Variants in AASS observed in about 807,000 individuals in gnomAD.
AASS encodes alpha-aminoadipic semialdehyde synthase, mitochondrial.
A neutral mutation model predicts 105.4 loss-of-function variants in AASS; 86 were observed. The observed-to-expected ratio is 0.82, with a 90% CI of 0.69 to 0.98. AASS has a LOEUF of 0.98. Among genes scored for constraint, AASS ranks in the 50% least tolerant of loss-of-function variants. The probability of loss-of-function intolerance (pLI) is 0.00; values close to 1 mark genes in which losing one functional copy is unlikely to be tolerated. For missense variants in AASS, 1,048 were observed against 1,143.2 expected (o/e 0.92, Z 1.20); for synonymous variants, 381 against 394.8 (o/e 0.96, Z 0.41).
In AASS at chr7:122,076,488, A is replaced by G. The variant is rs761028938; in HGVS notation, c.*1T>C. The G allele has an allele frequency of 6.2e-7, 1 of 1,602,338 alleles. No homozygotes were observed. The highest frequency in any genetic ancestry group is 8.6e-7 in the Non-Finnish European group (1 of 1,169,304). ...AGAAAAAAACAAAATATAATTCCCA[A>G]TTATGGTTTAATTGTACTCTGTGTA... On this transcript the variant is annotated 3_prime_UTR_variant, in exon 24 of 24. Transcript: ENST00000417368.
intron 4 of AASS, among the ~76,000 whole-genome samples, chr7:122,123,145 T>C (rs772386609): frequency 1.6e-4 from 25 of 152,146 alleles, no homozygotes; most frequent in Non-Finnish European, 3.5e-4. Flanking sequence ...GTCTCATGAA[T>C]TTTCATCCTC....
intron 1 of AASS, among the ~76,000 whole-genome samples, chr7:122,140,485 CAAAAAAAAAA>C (rs57828681): frequency 4.3e-4 from 16 of 37,336 alleles, no homozygotes; most frequent in African/African-American, 8.7e-4. Flanking sequence ...GACTCAGTCT[CAAAAAAAAAA>C]AAAAAAAAAA....
At position 122,092,894 on chromosome 7, in the gene AASS, A is replaced by G. The variant is rs1177763933; in HGVS notation, c.1824T>C (p.Asp608=). Residue 608 remains aspartate (D), a synonymous_variant, in exon 17 of 24, where the codon GAT becomes GAC. Transcript: ENST00000417368. ...IGELGLDPGL[D]HMLAMETIDK... is the part of the protein sequence containing the mutation. ...CTATTGTTTCCATTGCTAACATGTGATCCAGACCAGGGTCCAATCCCAATT... is the reference window on the plus strand; with the variant it reads ...CTATTGTTTCCATTGCTAACATGTGGTCCAGACCAGGGTCCAATCCCAATT... 1 of 1,613,952 alleles carries G rather than the reference A, an allele frequency of 6.2e-7. No individual in the cohort carries two copies. Among genetic ancestry groups the G allele is most frequent in the South Asian group, 1.1e-5 (1 of 91,086 alleles).
At chr7:122,143,792 C>A (rs1285314636) in intron 1 of AASS, among the ~76,000 whole-genome samples, 1 of 152,122 alleles carries the variant, frequency 6.6e-6, no homozygotes, top group Non-Finnish European at 1.5e-5. Flanking sequence ...TTCATCAGTT[C>A]TTTATTCCCC....
chr7:122,141,678 A>C (rs1162423094), intron 1 of AASS, among the ~76,000 whole-genome samples: 3 of 111,804 alleles, frequency 2.7e-5, no homozygotes, highest in African/African-American at 3.8e-5. Flanking sequence ...AAAAAAAAAA[A>C]AAAAAAACTT....
intron 2 of AASS, among the ~76,000 whole-genome samples, chr7:122,130,003 G>A (rs988438348): frequency 1.3e-5 from 2 of 152,146 alleles, no homozygotes; most frequent in African/African-American, 2.4e-5. Context: ...TGCTAGAGAT[G>A]AGATGCTAAG....
chr7:122,140,544 A>C (rs150155209), intron 1 of AASS, among the ~76,000 whole-genome samples: 52 of 149,278 alleles, frequency 3.5e-4, no homozygotes, highest in African/African-American at 1.2e-3. Flanking sequence ...AATTTCTGTT[A>C]CTTCTTTTGG....
chr7:122,143,940 C>T (rs976837344), intron 1 of AASS, among the ~76,000 whole-genome samples: 2 of 152,210 alleles, frequency 1.3e-5, no homozygotes, highest in African/African-American at 2.4e-5. Flanking sequence ...CTCTGCGTTT[C>T]CGCTCTCCCT....
chr7:122,138,137 GT>G (rs1330859953), intron 1 of AASS, among the ~76,000 whole-genome samples: 1 of 152,120 alleles, frequency 6.6e-6, no homozygotes, highest in Non-Finnish European at 1.5e-5. Flanking sequence ...TTTCTTCTCT[GT>G]TTTTGTAAAA....
intron 18 of AASS, among the ~76,000 whole-genome samples, chr7:122,087,204 A>G (rs1236006624): frequency 6.6e-6 from 1 of 152,202 alleles, no homozygotes; most frequent in Non-Finnish European, 1.5e-5. Flanking sequence ...GCCTTTGGCT[A>G]AACTTAATGA....
intron 4 of AASS, among the ~76,000 whole-genome samples, chr7:122,125,705 C>G (rs1265517191): frequency 1.3e-5 from 2 of 152,192 alleles, no homozygotes; most frequent in African/African-American, 4.8e-5. Flanking sequence ...CAGGCTATGA[C>G]TTAATGCTTG....
chr7:122,115,900 A>G (rs1562978362), intron 8 of AASS, among the ~76,000 whole-genome samples: 1 of 152,198 alleles, frequency 6.6e-6, no homozygotes, highest in Non-Finnish European at 1.5e-5. Context: ...TTTCCCTAAC[A>G]TGCCCTGCAC....
intron 17 of AASS, among the ~76,000 whole-genome samples, chr7:122,092,377 T>C (rs1255644154): frequency 6.6e-6 from 1 of 152,264 alleles, no homozygotes; most frequent in Middle Eastern, 3.4e-3. Context: ...AAGCCAAAAT[T>C]TTATAGTAGC....
chr7:122,135,242 G>A (rs558664743), intron 1 of AASS, among the ~76,000 whole-genome samples: 5 of 149,546 alleles, frequency 3.3e-5, no homozygotes, highest in Middle Eastern at 3.4e-3. Context: ...CCTGCACGTC[G>A]TGCACATGTA....
Position 122,113,154 on chromosome 7 carries a change from G to A in AASS, c.1242C>T (p.Cys414=), listed in dbSNP as rs1437177521. Reference sequence around the variant, plus strand: ...CATAAGGGTAAAGCATGTCTCCAAAGCATTCTGTAGCTTCAATTGGGAGCT... The same window carrying A: ...CATAAGGGTAAAGCATGTCTCCAAAACATTCTGTAGCTTCAATTGGGAGCT... ...PAQLPIEATE[C]FGDMLYPYVE... Residue 414 remains cysteine (C), a synonymous_variant, in exon 11 of 24, where the codon TGC becomes TGT. Coordinates refer to ENST00000417368, the MANE Select transcript of AASS (RefSeq NM_005763.4). 7.4e-6 allele frequency: 12 copies of A among 1,613,860 alleles called. 1 individual carries two copies. In the South Asian group the frequency reaches 1.3e-4, roughly 18 times the overall value.
At chr7:122,101,880 C>A (rs139471028) in intron 11 of AASS, among the ~76,000 whole-genome samples, 200 bp from the exon 12 acceptor site, 4 of 151,866 alleles carry the variant, frequency 2.6e-5, no homozygotes, top group African/African-American at 9.7e-5. Context: ...GGTGTTTCAG[C>A]ACAAGTCCCA....
chr7:122,131,663 C>T (rs572299669), intron 2 of AASS, among the ~76,000 whole-genome samples: 1 of 151,906 alleles, frequency 6.6e-6, no homozygotes, highest in Non-Finnish European at 1.5e-5. Context: ...TTTCTAAACT[C>T]TGTACACTAA....
In AASS at chr7:122,138,834, G is replaced by A. The variant is rs534720895; in HGVS notation, c.-15-5093C>T. 3.4e-3 allele frequency among the ~76,000 whole-genome samples: 511 copies of A among 151,684 alleles called. 4 individuals carry two copies. The highest frequency in any genetic ancestry group is 0.011 in the South Asian group (52 of 4,808). On this transcript the variant is annotated intron_variant, in intron 1 of 23. Transcript: ENST00000417368. Reference sequence around the variant, plus strand: ...TGACAGAGACAGATAGAGAGAGAGAGAAAAAAAAGGACACAGAGACAGAGC... The same window carrying A: ...TGACAGAGACAGATAGAGAGAGAGAAAAAAAAAAGGACACAGAGACAGAGC...
intron 1 of AASS, among the ~76,000 whole-genome samples, chr7:122,140,402 G>A (rs1427857146): frequency 6.7e-6 from 1 of 150,040 alleles, no homozygotes; most frequent in East Asian, 2.0e-4. Flanking sequence ...GGAGAATGGC[G>A]TGGAACCCGG....
Sources: allele counts gnomAD v4.1 joint callset (sites outside exome capture counted in the v4.1 genomes callset), GRCh38; gene constraint gnomAD v4.1.1; transcripts MANE v1.5; gene names NCBI Gene and HGNC (gene_info 2026-07-23, HGNC 2026-07-21).